The following CYP2W1 variants were observed in gnomAD, a reference collection of about 807,000 sequenced individuals.
CYP2W1 encodes cytochrome P450 family 2 subfamily W member 1, also known as cytochrome P450 2W1.
A neutral mutation model predicts 44.9 loss-of-function variants in CYP2W1; 51 were observed. The observed-to-expected ratio is 1.14, with a 90% confidence interval of 0.91 to 1.43. The LOEUF is 1.43. CYP2W1 is among the 40% of genes most tolerant of loss of function. The pLI, the probability that CYP2W1 is intolerant of heterozygous loss-of-function variation, is 0.00. For missense variants in CYP2W1, 746 were observed against 700.0 expected (o/e 1.07, Z -0.74); for synonymous variants, 383 against 338.3 (o/e 1.13, Z -1.45).
At chr7:986,483 TC>T (rs997911638) in intron 4 of CYP2W1, 140 bp from the exon 5 acceptor site, 5 of 938,746 alleles carry the variant, frequency 5.3e-6, no homozygotes, top group South Asian at 3.2e-5. Context: ...GGGCTAAGGG[TC>T]CCCCCGTTCT....
At chr7:983,658 G>A (rs552746189) in intron 1 of CYP2W1, among the ~76,000 whole-genome samples, 7 of 152,340 alleles carry the variant, frequency 4.6e-5, no homozygotes, top group South Asian at 2.1e-4. Context: ...CCCTGGAGGC[G>A]GTGGCGTCTG....
chr7:984,804 C>T, intron 2 of CYP2W1, 146 bp from the exon 3 acceptor site: 1 of 1,259,048 alleles, frequency 7.9e-7, no homozygotes, highest in Non-Finnish European at 1.1e-6. Context: ...GGGGCCAGGG[C>T]CAGCCCAGGG....
rs370308301 is a variant in CYP2W1, at chr7:988,369, C to T, written c.1236C>T (p.Asp412=). 2.7e-5 allele frequency: 44 copies of T among 1,612,670 alleles called. No individual in the cohort carries two copies. The highest frequency in any genetic ancestry group is 6.7e-5 in the Admixed American group (4 of 59,990). Residue 412 remains aspartate (D), a synonymous_variant, in exon 8 of 9, where the codon GAC becomes GAT. Coordinates refer to ENST00000308919, the MANE Select transcript of CYP2W1 (RefSeq NM_017781.3). ...PGQFNPGHFL[D]ANGHFVKREA... is the part of the protein sequence containing the mutation. ...AGTTCAACCCCGGCCATTTCCTGGA[C>T]GCGAATGGGCACTTTGTGAAGCGGG... is the stretch of plus-strand genomic sequence containing the variant.
intron 7 of CYP2W1, among the ~76,000 whole-genome samples, chr7:987,826 T>C (rs1848488008): frequency 6.6e-6 from 1 of 151,116 alleles, no homozygotes; most frequent in African/African-American, 2.4e-5. Flanking sequence ...CGGTGTGTCC[T>C]GGGGGTCCCC....
chr7:987,337 T>A lies in CYP2W1; in HGVS notation c.959-10T>A. On this transcript the variant is annotated splice_polypyrimidine_tract_variant and intron_variant, in intron 6 of 8. Transcript: ENST00000308919. ...GCGCTGCCACCCAAGCGGCCCACCC[T>A]TTGCCCCAGGCCGGGTGCAGGAGGA... is the stretch of plus-strand genomic sequence containing the variant. 6.4e-7 allele frequency: 1 copy of A among 1,568,002 alleles called. No homozygotes were observed. Among genetic ancestry groups the A allele is most frequent in the South Asian group, 1.1e-5 (1 of 87,776 alleles).
Position 983,205 on chromosome 7 carries a change from C to T in CYP2W1, c.-7C>T, listed in dbSNP as rs1013922228. On this transcript the variant is annotated 5_prime_UTR_variant, in exon 1 of 9. The change creates a new upstream start codon in the 5' untranslated region. Transcript: ENST00000308919. The stretch of plus-strand genomic sequence containing the variant: ...GAGGGGAGTGGAGCCTCACCAGCCA[C>T]GTCCTCATGGCCCTGCTGCTCTTGC... 1.1e-5 allele frequency: 17 copies of T among 1,490,136 alleles called. No homozygotes were observed. Among genetic ancestry groups the T allele is most frequent in the African/African-American group, 7.1e-5 (5 of 70,882 alleles). The allele number at this position is 1,490,136 out of a possible 1,614,324, so 92.3% of individuals were successfully genotyped here. A position where few individuals can be genotyped will look rare whatever the true frequency, so the allele number is the denominator to read the frequency against.
At position 985,319 on chromosome 7, in the gene CYP2W1, T is replaced by G; in HGVS notation, c.641T>G (p.Leu214Arg). Reference sequence around the variant, plus strand: ...ATGGTCCTCTTGGGGTCCCCTGGCCTGCAGGTGAGGAGCTGCCTCCCATCC... The same window carrying G: ...ATGGTCCTCTTGGGGTCCCCTGGCCGGCAGGTGAGGAGCTGCCTCCCATCC... Reference protein sequence around the residue: ...EVMVLLGSPGLQLFNVYPWLG... With the variant: ...EVMVLLGSPGRQLFNVYPWLG... Residue 214 changes from leucine to arginine, a missense_variant, in exon 4 of 9, where the codon CTG becomes CGG. Physicochemically the swap from Leu to Arg is moderately radical, Grantham distance 102. Coordinates refer to ENST00000308919, the MANE Select transcript of CYP2W1 (RefSeq NM_017781.3). 1 of 1,550,098 alleles carries G rather than the reference T, an allele frequency of 6.5e-7. No homozygotes were observed. The highest frequency in any genetic ancestry group is 8.7e-7 in the Non-Finnish European group (1 of 1,146,494).
intron 1 of CYP2W1, 70 bp from the exon 2 acceptor site, chr7:984,342 C>A (rs1179175774): frequency 6.7e-7 from 1 of 1,489,710 alleles, no homozygotes; most frequent in Non-Finnish European, 8.8e-7. Flanking sequence ...AGCACAGGCC[C>A]GGCCTGAGGG....
intron 4 of CYP2W1, chr7:986,362 T>G (rs1307029328): frequency 1.9e-6 from 1 of 539,752 alleles, no homozygotes; most frequent in Non-Finnish European, 3.3e-6. Flanking sequence ...GGCAGCTGCC[T>G]CCCTCCTCCC....
Position 984,583 on chromosome 7 carries a change from G to A in CYP2W1, c.337+9G>A. 6.4e-7 allele frequency: 1 copy of A among 1,558,972 alleles called. No homozygotes were observed. The highest frequency in any genetic ancestry group is 1.2e-5 in the South Asian group (1 of 85,392). On this transcript the variant is annotated intron_variant, in intron 2 of 8. Transcript: ENST00000308919. ...CATCCAGCGAGGTGGAGGTCGGTGT[G>A]TGGCCGGCGCTACGGGGCCTACTGG... is the stretch of plus-strand genomic sequence containing the variant.
In CYP2W1 at chr7:987,427, A is replaced by C; in HGVS notation, c.1039A>C (p.Thr347Pro). ...RLEDQQALPY[T>P]SAVLHEVQRF... ...GGAGGACCAGCAGGCTCTGCCCTACACAAGCGCCGTGCTCCACGAGGTGCA... is the reference window on the plus strand; with the variant it reads ...GGAGGACCAGCAGGCTCTGCCCTACCCAAGCGCCGTGCTCCACGAGGTGCA... Residue 347 changes from threonine to proline, a missense_variant, in exon 7 of 9, where the codon ACA (threonine) becomes CCA (proline). By Grantham distance (38) the Thr-to-Pro change is conservative (BLOSUM62 -1). Coordinates refer to ENST00000308919, the MANE Select transcript of CYP2W1 (RefSeq NM_017781.3). 6.3e-7 allele frequency: 1 copy of C among 1,592,786 alleles called. No homozygotes were observed. The highest frequency in any genetic ancestry group is 1.1e-5 in the South Asian group (1 of 89,682).
At chr7:984,771 GTTC>G (rs1190691411) in intron 2 of CYP2W1, among the ~76,000 whole-genome samples, 176 bp from the exon 3 acceptor site, 7 of 152,290 alleles carry the variant, frequency 4.6e-5, no homozygotes, top group African/African-American at 1.7e-4. Context: ...AGCAAGCGGG[GTTC>G]TTTTCATCCC....
chr7:988,232 A>G (rs766276486), intron 7 of CYP2W1, 45 bp from the exon 8 acceptor site: 17 of 1,538,166 alleles, frequency 1.1e-5, no homozygotes, highest in South Asian at 1.2e-5. Flanking sequence ...GCCCCATCCC[A>G]TCTTCCCCGG....
chr7:986,540 C>G, intron 4 of CYP2W1, 84 bp from the exon 5 acceptor site: 1 of 1,519,562 alleles, frequency 6.6e-7, no homozygotes, highest in Non-Finnish European at 9.0e-7. Context: ...GGCGTGAACA[C>G]AGCCGCTGGG....
chr7:985,401 G>T (rs1460559630), intron 4 of CYP2W1, 78 bp downstream of exon 4: 13 of 1,460,002 alleles, frequency 8.9e-6, no homozygotes, highest in Non-Finnish European at 1.2e-5. Flanking sequence ...GGGGGCCCCA[G>T]TGCTGTCCCC....
rs200386977 is a variant in CYP2W1 at position 988,391 on chromosome 7, C to T, written c.1258C>T (p.Arg420Trp). 19 of 1,612,530 alleles carry T rather than the reference C, an allele frequency of 1.2e-5. 1 individual carries two copies. Among genetic ancestry groups the T allele is most frequent in the South Asian group, 4.4e-5 (4 of 91,084 alleles). ...GGACGCGAATGGGCACTTTGTGAAG[C>T]GGGAGGCCTTCCTGCCTTTCTCTGC... ...FLDANGHFVKREAFLPFSAGR... is the reference protein window; with the variant it reads ...FLDANGHFVKWEAFLPFSAGR... The change falls in exon 8 of 9, where the codon CGG becomes TGG. Residue 420 changes from arginine (R) to tryptophan (W), a missense_variant. Physicochemically the swap from Arg to Trp is moderately radical, Grantham distance 101. Coordinates refer to ENST00000308919, the MANE Select transcript of CYP2W1 (RefSeq NM_017781.3).
At chr7:983,408 C>A in intron 1 of CYP2W1, 23 bp downstream of exon 1, 1 of 1,468,542 alleles carries the variant, frequency 6.8e-7, no homozygotes. Flanking sequence ...GCCCGGGCAG[C>A]TCTTGCCGCT....
At position 986,730 on chromosome 7, in the gene CYP2W1, G is replaced by A. The variant is rs746365436; in HGVS notation, c.752G>A (p.Arg251Gln). Residue 251 changes from arginine to glutamine, a missense_variant, in exon 5 of 9, where the codon CGG becomes CAG. Arg to Gln is a conservative substitution (Grantham distance 43). Coordinates refer to ENST00000308919, the MANE Select transcript of CYP2W1 (RefSeq NM_017781.3). ...RAILRTLLEA[R>Q]RPHVCPGDPV... ...ATTCTGAGGACCCTCCTGGAGGCGC[G>A]GAGGCCCCACGTGTGCCCGGGGGAC... is the stretch of plus-strand genomic sequence containing the variant. 8.1e-6 allele frequency: 13 copies of A among 1,610,742 alleles called. No individual in the cohort carries two copies. The highest frequency in any genetic ancestry group is 1.6e-4 in the Middle Eastern group (1 of 6,074).
chr7:985,015 A>T lies in CYP2W1; in HGVS notation c.403A>T (p.Ser135Cys). 6.2e-7 allele frequency: 1 copy of T among 1,611,974 alleles called. No individual in the cohort carries two copies. Among genetic ancestry groups the T allele is most frequent in the Non-Finnish European group, 8.5e-7 (1 of 1,179,834 alleles). Reference sequence around the variant, plus strand: ...CCAGTTCACGGTGCGTGCCCTGCACAGCCTGGGCGTGGGCCGGGAGCCGGT... The same window carrying T: ...CCAGTTCACGGTGCGTGCCCTGCACTGCCTGGGCGTGGGCCGGGAGCCGGT... ...ARQFTVRALH[S>C]LGVGREPVAD... Residue 135 changes from serine to cysteine, a missense_variant, in exon 3 of 9, where the codon AGC becomes TGC. By Grantham distance (112) the Ser-to-Cys change is moderately radical. Transcript: ENST00000308919.
Sources: gnomAD v4.1 joint callset for allele counts (sites outside exome capture counted in the v4.1 genomes callset) on GRCh38, gnomAD v4.1.1 for gene constraint, MANE v1.5 for transcripts, NCBI Gene and HGNC (gene_info 2026-07-23, HGNC 2026-07-21) for gene names.